Variants in CNTN1 observed in about 807,000 individuals in gnomAD.
The protein encoded by CNTN1 is contactin-1.
CNTN1 carries 38 observed loss-of-function variants against 126.4 expected under a neutral mutation model. That is an observed-to-expected ratio of 0.30 (90% CI 0.23 to 0.39). The LOEUF is 0.39. Among genes scored for constraint, CNTN1 ranks in the 10% least tolerant of loss-of-function variants. CNTN1 has a pLI of 1.00. For synonymous variants in CNTN1, 413 were observed against 422.6 expected (o/e 0.98, Z 0.28); for missense variants, 1,009 against 1,248.4 (o/e 0.81, Z 2.89).
intron 21 of CNTN1, among the ~76,000 whole-genome samples, chr12:41,027,102 A>ATATTACATTTGAAAAATG (rs1209896326): frequency 1.3e-5 from 2 of 152,176 alleles, no homozygotes; most frequent in Admixed American, 1.3e-4. Flanking sequence ...ACTCGACATT[A>ATATTACATTTGAAAAATG]TATTACATTT....
chr12:40,717,889 G>C (rs1942088802), intron 1 of CNTN1, among the ~76,000 whole-genome samples: 1 of 152,112 alleles, frequency 6.6e-6, no homozygotes, highest in Non-Finnish European at 1.5e-5. Flanking sequence ...GCTTTAGTGA[G>C]CTTTGAAGTT....
intron 1 of CNTN1, among the ~76,000 whole-genome samples, chr12:40,780,868 A>T (rs1319591929): frequency 6.6e-6 from 1 of 151,344 alleles, no homozygotes; most frequent in African/African-American, 2.4e-5. Context: ...TGCTCATACC[A>T]AAGGGTAGAA....
intron 15 of CNTN1, among the ~76,000 whole-genome samples, chr12:40,970,685 A>G (rs1947478338): frequency 6.6e-6 from 1 of 152,162 alleles, no homozygotes; most frequent in Non-Finnish European, 1.5e-5. Flanking sequence ...TTCTATAACA[A>G]TATTTCTGTA....
At chr12:40,694,893 A>T (rs1941410715) in intron 1 of CNTN1, among the ~76,000 whole-genome samples, 1 of 152,152 alleles carries the variant, frequency 6.6e-6, no homozygotes, top group South Asian at 2.1e-4. Context: ...TGTTTCTATC[A>T]TGGGGATGGG....
At chr12:40,916,895 A>G (rs577600088) in intron 3 of CNTN1, among the ~76,000 whole-genome samples, 1 of 152,108 alleles carries the variant, frequency 6.6e-6, no homozygotes, top group African/African-American at 2.4e-5. Flanking sequence ...TGATCCAGCT[A>G]TTTCCTATCT....
At chr12:40,748,483 CT>C (rs920515657) in intron 1 of CNTN1, among the ~76,000 whole-genome samples, 7 of 152,098 alleles carry the variant, frequency 4.6e-5, no homozygotes, top group African/African-American at 1.7e-4. Context: ...ATAATTAAAA[CT>C]TTCTAAAGAT....
chr12:40,928,749 G>A (rs971520846), intron 6 of CNTN1, among the ~76,000 whole-genome samples: 1 of 152,044 alleles, frequency 6.6e-6, no homozygotes, highest in Non-Finnish European at 1.5e-5. Flanking sequence ...CTTATATAAT[G>A]TGCATCTCTT....
Position 40,814,983 on chromosome 12 carries a change from T to C in CNTN1, c.-76-93374T>C, listed in dbSNP as rs1426720306. Among the ~76,000 whole-genome samples, 3 of 152,222 alleles carry C rather than the reference T, an allele frequency of 2.0e-5. No individual in the cohort carries two copies. The East Asian group carries it at 5.8e-4, about 30-fold the overall frequency. On this transcript the variant is annotated intron_variant, in intron 1 of 23. Coordinates refer to ENST00000551295, the MANE Select transcript of CNTN1 (RefSeq NM_001843.4). ...TGTGAATGGGAGTTCACTCATGATT[T>C]GGCTCTCTGTTGGTCTGTTATTTGT...
intron 23 of CNTN1, among the ~76,000 whole-genome samples, chr12:41,050,795 C>T (rs1343316017): frequency 1.3e-5 from 2 of 152,150 alleles, no homozygotes; most frequent in Admixed American, 1.3e-4. Context: ...AAAGACAACA[C>T]TCTATATCAG....
At chr12:40,982,168 A>G (rs1018395349) in intron 16 of CNTN1, among the ~76,000 whole-genome samples, 6 of 152,138 alleles carry the variant, frequency 3.9e-5, no homozygotes, top group African/African-American at 1.4e-4. Flanking sequence ...ATGATTCCCC[A>G]CCTAAGTGTA....
At chr12:40,974,569 G>A (rs948157223) in intron 15 of CNTN1, among the ~76,000 whole-genome samples, 73 of 152,050 alleles carry the variant, frequency 4.8e-4, no homozygotes, top group African/African-American at 1.6e-3. Flanking sequence ...AGTCAGCAAC[G>A]GAAACCTAAT....
intron 1 of CNTN1, among the ~76,000 whole-genome samples, chr12:40,875,811 G>A (rs1439378187): frequency 6.6e-6 from 1 of 151,956 alleles, no homozygotes; most frequent in Non-Finnish European, 1.5e-5. Flanking sequence ...TTAAATATAA[G>A]CTTCTATGAA....
intron 1 of CNTN1, among the ~76,000 whole-genome samples, chr12:40,860,245 A>C (rs1485984183): frequency 7.9e-5 from 12 of 152,166 alleles, no homozygotes. Flanking sequence ...TAGTTTGTGA[A>C]AAATTTCCTG....
chr12:40,750,179 T>C (rs2136396436), intron 1 of CNTN1, among the ~76,000 whole-genome samples: 1 of 152,114 alleles, frequency 6.6e-6, no homozygotes, highest in East Asian at 1.9e-4. Flanking sequence ...TGGATGAGGA[T>C]GTGGGATCTA....
intron 15 of CNTN1, among the ~76,000 whole-genome samples, chr12:40,978,446 A>G (rs1947739435): frequency 6.6e-6 from 1 of 152,106 alleles, no homozygotes. Context: ...ATGATGATAT[A>G]GTATTTCAAG....
chr12:40,810,038 G>A (rs2136502110), intron 1 of CNTN1, among the ~76,000 whole-genome samples: 1 of 152,194 alleles, frequency 6.6e-6, no homozygotes, highest in South Asian at 2.1e-4. Flanking sequence ...CTTGTATGCT[G>A]TAATCATGGT....
intron 1 of CNTN1, among the ~76,000 whole-genome samples, chr12:40,784,186 A>G (rs1001508041): frequency 2.0e-5 from 3 of 152,118 alleles, no homozygotes; most frequent in Non-Finnish European, 2.9e-5. Flanking sequence ...CTGAATTTAG[A>G]CCTGCATTTG....
chr12:40,997,372 C>T (rs1296281804), intron 17 of CNTN1, among the ~76,000 whole-genome samples: 1 of 152,208 alleles, frequency 6.6e-6, no homozygotes, highest in East Asian at 1.9e-4. Flanking sequence ...CCAGGAACAA[C>T]ACTTTCATAT....
intron 14 of CNTN1, among the ~76,000 whole-genome samples, chr12:40,954,491 A>T (rs918568471): frequency 1.3e-4 from 20 of 152,194 alleles, no homozygotes; most frequent in South Asian, 2.1e-4. Flanking sequence ...CTCAAAAAAA[A>T]TTTTAATATA....
Sources: allele counts gnomAD v4.1 joint callset (sites outside exome capture counted in the v4.1 genomes callset), GRCh38; gene constraint gnomAD v4.1.1; transcripts MANE v1.5; gene names NCBI Gene and HGNC (gene_info 2026-07-23, HGNC 2026-07-21).